PRKAR2A: variants seen among roughly 807,000 people sequenced by gnomAD.
PRKAR2A encodes the protein protein kinase cAMP-dependent type II regulatory subunit alpha.
Under a neutral mutation model 51.9 loss-of-function variants are expected in PRKAR2A, and 29 were observed. The ratio of observed to expected loss-of-function variants is 0.56; its 90% CI spans 0.42 to 0.76. The LOEUF is 0.76. PRKAR2A is among the 30% of genes least tolerant of loss of function. The pLI, the probability that PRKAR2A is intolerant of heterozygous loss-of-function variation, is 0.00. For synonymous variants in PRKAR2A, 178 were observed against 186.2 expected (o/e 0.96, Z 0.36); for missense variants, 445 against 512.1 (o/e 0.87, Z 1.26).
chr3:48,803,356 C>T (rs2082620376), intron 2 of PRKAR2A, among the ~76,000 whole-genome samples: 1 of 151,992 alleles, frequency 6.6e-6, no homozygotes, highest in Non-Finnish European at 1.5e-5. Context: ...GCTGCAGTAA[C>T]CTATGATTGT....
Position 48,769,157 on chromosome 3 carries a change from C to CTTTTT in PRKAR2A, c.696+3793_696+3797dup, listed in dbSNP as rs200382765. Among the ~76,000 whole-genome samples, 309 of 136,290 alleles carry CTTTTT rather than the reference C, an allele frequency of 2.3e-3. 14 individuals carry two copies. The highest frequency in any genetic ancestry group is 5.9e-3 in the East Asian group (27 of 4,554). 89.4% of individuals were successfully genotyped at this position (136,290 alleles called of 152,430 possible). On this transcript the variant is annotated intron_variant, in intron 6 of 10. Transcript: ENST00000265563. ...TAAAGAGAAAACAACAAATATCTTTCTTTTTTTTTTTCTTTTTTGAGACAG... is the reference window on the plus strand; with the variant it reads ...TAAAGAGAAAACAACAAATATCTTTCTTTTTTTTTTTTTTTTCTTTTTTGAGACAG...
At position 48,755,452 on chromosome 3, in the gene PRKAR2A, C is replaced by T. The variant is rs140713363; in HGVS notation, c.939+927G>A. Among the ~76,000 whole-genome samples, 16 of 152,148 alleles carry T rather than the reference C, an allele frequency of 1.1e-4. No individual in the cohort carries two copies. In the East Asian group the frequency reaches 3.1e-3, roughly 29 times the overall value. On this transcript the variant is annotated intron_variant, in intron 9 of 10. Transcript: ENST00000265563. ...ACAGATTTACCAGTAACAGTCATTC[C>T]TCCTACTTACAGCTCCTCAGTTTTC...
At chr3:48,813,696 AAAAACAAAACAAAACAAAAC>A (rs201402882) in intron 1 of PRKAR2A, among the ~76,000 whole-genome samples, 4 of 151,894 alleles carry the variant, frequency 2.6e-5, no homozygotes, top group Non-Finnish European at 4.4e-5. Flanking sequence ...TCCATCTCAA[AAAAACAAAACAAAACAAAAC>A]AAAACAAAAC....
intron 2 of PRKAR2A, among the ~76,000 whole-genome samples, chr3:48,797,230 A>G (rs905723297): frequency 2.0e-5 from 3 of 151,976 alleles, no homozygotes; most frequent in Non-Finnish European, 2.9e-5. Context: ...TGCAGTTGAC[A>G]TGATCTCAGC....
intron 8 of PRKAR2A, among the ~76,000 whole-genome samples, chr3:48,763,338 T>C (rs1364331125): frequency 2.0e-5 from 3 of 152,034 alleles, no homozygotes; most frequent in African/African-American, 7.2e-5. Context: ...TTAATTAATG[T>C]CCATTCTGTA....
intron 1 of PRKAR2A, among the ~76,000 whole-genome samples, chr3:48,823,902 A>C (rs968630785): frequency 1.3e-5 from 2 of 152,158 alleles, no homozygotes; most frequent in Non-Finnish European, 2.9e-5. Context: ...TACCACTACA[A>C]AAAGACAGGA....
chr3:48,800,579 G>T (rs1050877574), intron 2 of PRKAR2A, among the ~76,000 whole-genome samples: 1 of 151,426 alleles, frequency 6.6e-6, no homozygotes, highest in African/African-American at 2.4e-5. Context: ...TAAGAAAGCC[G>T]CATTTAAGGA....
intron 2 of PRKAR2A, among the ~76,000 whole-genome samples, chr3:48,804,518 A>G (rs952756174): frequency 9.2e-5 from 14 of 152,146 alleles, no homozygotes; most frequent in Non-Finnish European, 1.3e-4. Context: ...TGTGCCAGGG[A>G]GTGATTATAA....
intron 1 of PRKAR2A, among the ~76,000 whole-genome samples, chr3:48,834,439 G>A (rs1174819719): frequency 6.6e-6 from 1 of 152,140 alleles, no homozygotes; most frequent in East Asian, 1.9e-4. Flanking sequence ...TATGCTTTAA[G>A]AATGTGAAAA....
At chr3:48,781,818 G>C (rs1421055920) in intron 5 of PRKAR2A, among the ~76,000 whole-genome samples, 2 of 151,666 alleles carry the variant, frequency 1.3e-5, no homozygotes, top group African/African-American at 2.4e-5. Context: ...GCCAATTTTT[G>C]TATTTTTTAA....
chr3:48,839,450 T>C (rs1352467148), intron 1 of PRKAR2A, among the ~76,000 whole-genome samples: 1 of 151,820 alleles, frequency 6.6e-6, no homozygotes, highest in Non-Finnish European at 1.5e-5. Flanking sequence ...AAATGCTTTA[T>C]GGTAATTACA....
intron 2 of PRKAR2A, among the ~76,000 whole-genome samples, chr3:48,794,338 A>C (rs2082454101): frequency 1.3e-5 from 2 of 151,122 alleles, no homozygotes; most frequent in South Asian, 4.2e-4. Context: ...TTTAGTAGGG[A>C]TGGGGTTTCA....
chr3:48,792,672 G>A (rs2082410882), intron 3 of PRKAR2A, among the ~76,000 whole-genome samples: 1 of 151,050 alleles, frequency 6.6e-6, no homozygotes, highest in Non-Finnish European at 1.5e-5. Context: ...TGTTGGCCAG[G>A]CTGGTCTCGA....
chr3:48,816,407 G>A (rs1440024872), intron 1 of PRKAR2A, among the ~76,000 whole-genome samples: 7 of 152,038 alleles, frequency 4.6e-5, no homozygotes, highest in Admixed American at 6.6e-5. Context: ...AACTGGGGCC[G>A]AGGCAGGCGG....
intron 6 of PRKAR2A, among the ~76,000 whole-genome samples, chr3:48,766,077 G>A (rs958300666): frequency 6.6e-6 from 1 of 151,896 alleles, no homozygotes; most frequent in African/African-American, 2.4e-5. Flanking sequence ...CACAAAAAAA[G>A]TTAGCTGGGC....
chr3:48,783,310 T>C (rs566685047), intron 4 of PRKAR2A, among the ~76,000 whole-genome samples: 1 of 152,266 alleles, frequency 6.6e-6, no homozygotes, highest in Admixed American at 6.5e-5. Flanking sequence ...GAGGCAGTAT[T>C]GTTTTGAAAA....
intron 1 of PRKAR2A, among the ~76,000 whole-genome samples, chr3:48,831,570 C>G (rs1057335919): frequency 1.3e-5 from 2 of 151,976 alleles, no homozygotes; most frequent in African/African-American, 4.8e-5. Flanking sequence ...GCTATGTCGC[C>G]CAGGCTGGTC....
intron 2 of PRKAR2A, among the ~76,000 whole-genome samples, chr3:48,807,323 G>A (rs563491165): frequency 8.6e-5 from 13 of 152,006 alleles, no homozygotes; most frequent in Admixed American, 2.0e-4. Flanking sequence ...GGCTCAAAAA[G>A]GTATATGTAA....
At chr3:48,792,657 C>T (rs1307572119) in intron 3 of PRKAR2A, among the ~76,000 whole-genome samples, 4 of 151,246 alleles carry the variant, frequency 2.6e-5, no homozygotes, top group East Asian at 3.9e-4. Flanking sequence ...GACAAGGTTT[C>T]GCCATGTTGG....
Sources: allele counts gnomAD v4.1 joint callset (sites outside exome capture counted in the v4.1 genomes callset), GRCh38; gene constraint gnomAD v4.1.1; transcripts MANE v1.5; gene names NCBI Gene and HGNC (gene_info 2026-07-23, HGNC 2026-07-21).